WIPI1: variants seen among roughly 807,000 people sequenced by gnomAD.
WIPI1 encodes WD repeat domain, phosphoinositide interacting 1, also known as WD repeat domain phosphoinositide-interacting protein 1.
In WIPI1, 45 loss-of-function variants were observed where a neutral mutation model predicts 55.3. That is an observed-to-expected ratio of 0.81 (90% CI 0.64 to 1.04). The LOEUF (loss-of-function observed/expected upper bound fraction) is 1.04. Among genes scored for constraint, WIPI1 ranks in the 50% least tolerant of loss-of-function variants. The pLI, the probability that WIPI1 is intolerant of heterozygous loss-of-function variation, is 0.00. For missense variants in WIPI1, 445 were observed against 559.0 expected, an observed-to-expected ratio of 0.80 and a Z score of 2.06; for synonymous variants, 195 against 217.6, an observed-to-expected ratio of 0.90 and a Z score of 0.92.
chr17:68,433,028 G>A (rs1025170815), intron 8 of WIPI1, among the ~76,000 whole-genome samples: 10 of 152,274 alleles, frequency 6.6e-5, no homozygotes, highest in Middle Eastern at 3.4e-3. Context: ...CTTCCCAAGC[G>A]CTCAGTGGTG....
intron 12 of WIPI1, chr17:68,422,755 A>AT (rs58432929): frequency 1.4e-5 from 2 of 146,516 alleles, no homozygotes; most frequent in Non-Finnish European, 3.0e-5. Context: ...AAAAAAAAAA[A>AT]GGGAAGGTCA....
chr17:68,426,245 G>GGT (rs1555798464), intron 11 of WIPI1, 70 bp from the exon 12 acceptor site: 3 of 948,270 alleles, frequency 3.2e-6, no homozygotes, highest in African/African-American at 1.6e-5. Flanking sequence ...TGGCGGGTGG[G>GGT]GAGCGGGGGC....
intron 4 of WIPI1, 83 bp downstream of exon 4, chr17:68,444,410 G>C (rs761801550): frequency 7.6e-6 from 10 of 1,314,628 alleles, no homozygotes; most frequent in Non-Finnish European, 8.6e-6. Context: ...CTTCACGTTC[G>C]CAATTTGGAG....
In WIPI1 at chr17:68,427,178, C is replaced by T. The variant is rs762158869; in HGVS notation, c.1149G>A (p.Ala383=). The T allele has an allele frequency of 1.6e-5, 26 of 1,613,942 alleles. No homozygotes were observed. Among genetic ancestry groups the T allele is most frequent in the African/African-American group, 4.0e-5 (3 of 74,874 alleles). ...LRPSLPQSYA[A]TVARPSASSA... is the part of the protein sequence containing the mutation. ...AAGATGCACTTGGTCTGGCTACGGT[C>T]GCTGCATAAGACTGAGGTAAGGAAG... Residue 383 remains alanine (A), a synonymous_variant, in exon 11 of 13, where the codon GCG becomes GCA. Transcript: ENST00000262139.
chr17:68,438,834 A>G (rs2083949055), intron 4 of WIPI1, among the ~76,000 whole-genome samples: 1 of 152,228 alleles, frequency 6.6e-6, no homozygotes. Context: ...TCGTGACCTC[A>G]GGTGATCCAT....
intron 8 of WIPI1, among the ~76,000 whole-genome samples, chr17:68,431,647 T>C (rs1033009213): frequency 3.3e-5 from 1 of 30,592 alleles, no homozygotes. Context: ...AGACCAAATG[T>C]AAGAGTAACG....
intron 3 of WIPI1, among the ~76,000 whole-genome samples, chr17:68,449,567 AGAGT>A (rs1363298662): frequency 3.9e-5 from 6 of 152,208 alleles, no homozygotes; most frequent in Non-Finnish European, 8.8e-5. Flanking sequence ...CCCCCACCAT[AGAGT>A]GAGTGAGTTC....
chr17:68,421,435 A>G lies in WIPI1; in HGVS notation c.*338T>C, dbSNP rs1175228568. 3 of 302,954 alleles carry G rather than the reference A, an allele frequency of 9.9e-6. No individual in the cohort carries two copies. Among genetic ancestry groups the G allele is most frequent in the African/African-American group, 2.1e-5 (1 of 47,862 alleles). The allele number at this position is 302,954 out of a possible 1,614,324, so 18.8% of individuals were successfully genotyped here. ...AAATACAATTCAAAGAGATGTTCCT[A>G]TAAGTACATTTTTTACACGGCATAT... On this transcript the variant is annotated 3_prime_UTR_variant, in exon 13 of 13. Transcript: ENST00000262139.
Position 68,423,767 on chromosome 17 carries a change from G to A in WIPI1, c.1294-1947C>T, listed in dbSNP as rs2082962144. ...TACCCCAAATAAATGATCTGCACAAGGTACCTATTATTTTATACAGGTTCT... is the reference window on the plus strand; with the variant it reads ...TACCCCAAATAAATGATCTGCACAAAGTACCTATTATTTTATACAGGTTCT... On this transcript the variant is annotated intron_variant, in intron 12 of 12. Coordinates refer to ENST00000262139, the MANE Select transcript of WIPI1 (RefSeq NM_017983.7). The surrounding 1 kb of genome is among the most constrained non-coding windows in gnomAD (Gnocchi z 4.4). 6.6e-6 allele frequency among the ~76,000 whole-genome samples: 1 copy of A among 152,028 alleles called. No individual in the cohort carries two copies.
At chr17:68,438,726 A>G (rs2952299) in intron 4 of WIPI1, among the ~76,000 whole-genome samples, 152,340 of 152,340 alleles carry the variant, frequency 1, 76,170 homozygotes, top group Non-Finnish European at 1. Flanking sequence ...TCAGCCTGCC[A>G]AGTAGCTGGG....
chr17:68,444,518 G>A lies in WIPI1; in HGVS notation c.405C>T (p.Leu135=). The change falls in exon 4 of 13, where the codon CTC becomes CTT. Residue 135 remains leucine, a synonymous_variant. Transcript: ENST00000262139. ...CTGTTGGGTTTGCAGGAATATCCAG[G>A]AGGGTCTTCAACAGCTTCATGTCTT... ...NIKDMKLLKT[L]LDIPANPTGL... 6.2e-7 allele frequency: 1 copy of A among 1,614,000 alleles called. No individual in the cohort carries two copies. The highest frequency in any genetic ancestry group is 1.1e-5 in the South Asian group (1 of 91,020).
At chr17:68,432,566 G>A (rs2083576463) in intron 8 of WIPI1, among the ~76,000 whole-genome samples, 1 of 152,148 alleles carries the variant, frequency 6.6e-6, no homozygotes, top group Admixed American at 6.6e-5. Context: ...AAGGTGCCCG[G>A]CCTCTGTCAT....
At position 68,435,674 on chromosome 17, in the gene WIPI1, T is replaced by C; in HGVS notation, c.567A>G (p.Leu189=). 1 of 1,614,214 alleles carries C rather than the reference T, an allele frequency of 6.2e-7. No homozygotes were observed. ...CTGAGGCATTGAAGGTGATGGCAGC[T>C]AGTGTTCCCTCATGGGCAGCAATAG... ...VCTIAAHEGT[L]AAITFNASGS... is the part of the protein sequence containing the mutation. The change falls in exon 6 of 13, where the codon CTA becomes CTG. Residue 189 remains leucine (L), a synonymous_variant. Transcript: ENST00000262139.
At chr17:68,422,857 C>T (rs994899716) in intron 12 of WIPI1, 1 of 151,756 alleles carries the variant, frequency 6.6e-6, no homozygotes, top group Non-Finnish European at 1.5e-5. Flanking sequence ...TTGGCTTGTT[C>T]CTGAAACAAA....
rs577818751 is a variant in WIPI1 at position 68,457,158 on chromosome 17, G to A, written c.80+184C>T. Reference sequence around the variant, plus strand: ...GGACACTGGGAGTGGGGTGGGGTGGGGGGTGCGGCAAACCCCACTGAAGGG... The same window carrying A: ...GGACACTGGGAGTGGGGTGGGGTGGAGGGTGCGGCAAACCCCACTGAAGGG... On this transcript the variant is annotated intron_variant, in intron 1 of 12. Coordinates refer to ENST00000262139, the MANE Select transcript of WIPI1 (RefSeq NM_017983.7). 6.2e-4 allele frequency among the ~76,000 whole-genome samples: 94 copies of A among 152,224 alleles called. 2 individuals carry two copies. The highest frequency in any genetic ancestry group is 2.1e-3 in the African/African-American group (88 of 41,556).
chr17:68,436,288 C>T, intron 5 of WIPI1, 94 bp downstream of exon 5: 1 of 1,147,314 alleles, frequency 8.7e-7, no homozygotes, highest in Non-Finnish European at 1.3e-6. Context: ...CCACCGCCTC[C>T]AGCCCCCGAC....
chr17:68,430,301 G>T, intron 8 of WIPI1, 141 bp from the exon 9 acceptor site: 1 of 779,548 alleles, frequency 1.3e-6, no homozygotes, highest in Non-Finnish European at 2.0e-6. Context: ...TGCCCACTGA[G>T]AACAATCCAG....
chr17:68,428,484 C>T (rs1257728866), intron 10 of WIPI1: 5 of 211,458 alleles, frequency 2.4e-5, no homozygotes, highest in Admixed American at 5.4e-5. Flanking sequence ...CCACCCGCTT[C>T]GGCCTCCCAA....
In WIPI1 at chr17:68,434,551, C is replaced by T. The variant is rs748063093; in HGVS notation, c.692+5G>A. ...TTTAAAATGGGTTTGACATTGAACA[C>T]AGACCTTTTCATCCCTCTCCGGAAC... On this transcript the variant is annotated splice_donor_5th_base_variant and intron_variant, in intron 7 of 12. Coordinates refer to ENST00000262139, the MANE Select transcript of WIPI1 (RefSeq NM_017983.7). 3.1e-6 allele frequency: 5 copies of T among 1,613,726 alleles called. No homozygotes were observed. The Admixed American group carries it at 8.3e-5, about 27-fold the overall frequency.
Sources: allele counts gnomAD v4.1 joint callset (sites outside exome capture counted in the v4.1 genomes callset), GRCh38; gene constraint gnomAD v4.1.1; non-coding constraint Gnocchi (gnomAD v3.1); transcripts MANE v1.5; gene names NCBI Gene and HGNC (gene_info 2026-07-23, HGNC 2026-07-21).